BICC1: variants seen among roughly 807,000 people sequenced by gnomAD.
The protein encoded by BICC1 is protein bicaudal C homolog 1.
Under a neutral mutation model 111.0 loss-of-function variants are expected in BICC1, and 43 were observed. The ratio of observed to expected loss-of-function variants is 0.39; its 90% confidence interval spans 0.30 to 0.50. The LOEUF (loss-of-function observed/expected upper bound fraction) is 0.50, where lower values mean the gene tolerates loss of function less well. Among genes scored for constraint, BICC1 ranks in the 20% least tolerant of loss-of-function variants. The pLI, the probability that BICC1 is intolerant of heterozygous loss-of-function variation, is 0.88. For missense variants in BICC1, 1,091 were observed against 1,203.2 expected (o/e 0.91, Z 1.38); for synonymous variants, 467 against 434.4 (o/e 1.07, Z -0.93).
At chr10:58,603,383 T>C (rs1845105785) in intron 1 of BICC1, among the ~76,000 whole-genome samples, 1 of 152,182 alleles carries the variant, frequency 6.6e-6, no homozygotes, top group African/African-American at 2.4e-5. Flanking sequence ...TACCTGTGTG[T>C]AAAATTTACC....
intron 2 of BICC1, among the ~76,000 whole-genome samples, chr10:58,653,111 G>A (rs996803788): frequency 6.6e-6 from 1 of 152,114 alleles, no homozygotes; most frequent in African/African-American, 2.4e-5. Context: ...GTAAATAAGA[G>A]TGTAGTATTT....
chr10:58,718,863 A>G (rs984553851), intron 3 of BICC1, among the ~76,000 whole-genome samples: 9 of 152,240 alleles, frequency 5.9e-5, no homozygotes, highest in African/African-American at 2.2e-4. Context: ...ACTGTATTAT[A>G]CAATAGTCAT....
intron 3 of BICC1, among the ~76,000 whole-genome samples, chr10:58,763,317 T>C (rs1204671585): frequency 6.6e-6 from 1 of 152,234 alleles, no homozygotes; most frequent in Non-Finnish European, 1.5e-5. Context: ...GCTGATAGCA[T>C]GGGTTAGTCA....
chr10:58,553,733 C>A (rs1326977572), intron 1 of BICC1, among the ~76,000 whole-genome samples: 2 of 151,994 alleles, frequency 1.3e-5, no homozygotes, highest in Non-Finnish European at 2.9e-5. Context: ...ACTCCCCCTT[C>A]TTTTTTTAGC....
intron 2 of BICC1, among the ~76,000 whole-genome samples, chr10:58,691,641 T>C (rs752834670): frequency 4.6e-5 from 7 of 152,196 alleles, no homozygotes; most frequent in Admixed American, 1.3e-4. Flanking sequence ...TTCTGGCTGC[T>C]CTTTTAAAAT....
At chr10:58,785,143 C>T (rs555365290) in intron 4 of BICC1, 63 bp downstream of exon 4, 21 of 932,672 alleles carry the variant, frequency 2.3e-5, no homozygotes, top group South Asian at 4.0e-5. Context: ...TACTTCATGC[C>T]GTTATGAAAG....
chr10:58,632,934 A>G (rs541360018), intron 2 of BICC1, among the ~76,000 whole-genome samples: 10 of 152,190 alleles, frequency 6.6e-5, no homozygotes, highest in Non-Finnish European at 1.3e-4. Context: ...TGAAAGGTTT[A>G]GAGGATATGT....
rs535794558 is a variant in BICC1, at chr10:58,611,796, T to A, written c.191-9059T>A. ...TGAGCCACTGTGCCCAGCCTGTACA[T>A]TCTGTTTTATACTTTAAAAAACCAA... On this transcript the variant is annotated intron_variant, in intron 1 of 20. Transcript: ENST00000373886. Among the ~76,000 whole-genome samples the A allele has an allele frequency of 3.9e-5, 6 of 152,272 alleles. No individual in the cohort carries two copies. In the South Asian group the frequency reaches 1.0e-3, roughly 26 times the overall value.
At chr10:58,740,466 A>G (rs991402277) in intron 3 of BICC1, among the ~76,000 whole-genome samples, 1 of 152,190 alleles carries the variant, frequency 6.6e-6, no homozygotes, top group African/African-American at 2.4e-5. Context: ...TGGATAAATC[A>G]AATGATTTAT....
At chr10:58,519,194 G>A (rs1842327786) in intron 1 of BICC1, among the ~76,000 whole-genome samples, 1 of 152,126 alleles carries the variant, frequency 6.6e-6, no homozygotes, top group Admixed American at 6.5e-5. Context: ...TTGCACTGTG[G>A]CTGTGGCTGT....
intron 1 of BICC1, among the ~76,000 whole-genome samples, chr10:58,606,186 C>T (rs1248046255): frequency 6.6e-6 from 1 of 152,120 alleles, no homozygotes; most frequent in Non-Finnish European, 1.5e-5. Context: ...TCTCCTCACT[C>T]TTTTCTATAT....
chr10:58,761,995 G>C (rs546524963), intron 3 of BICC1, among the ~76,000 whole-genome samples: 63 of 152,288 alleles, frequency 4.1e-4, no homozygotes, highest in African/African-American at 1.5e-3. Flanking sequence ...TTGTAGGTAT[G>C]AGTCCAGGAT....
chr10:58,597,729 A>G (rs1844865810), intron 1 of BICC1, among the ~76,000 whole-genome samples: 2 of 152,072 alleles, frequency 1.3e-5, no homozygotes, highest in Admixed American at 1.3e-4. Context: ...TAATATTAAT[A>G]TTCCTTGCTA....
At chr10:58,700,419 C>G (rs573911451) in intron 2 of BICC1, among the ~76,000 whole-genome samples, 80 of 151,970 alleles carry the variant, frequency 5.3e-4, no homozygotes, top group Non-Finnish European at 6.8e-4. Flanking sequence ...TTCTTTTTTA[C>G]TAGTGGTTTA....
intron 5 of BICC1, 77 bp downstream of exon 5, chr10:58,787,158 T>C: frequency 7.3e-7 from 1 of 1,361,782 alleles, no homozygotes; most frequent in Non-Finnish European, 9.9e-7. Flanking sequence ...CTATCTTTTT[T>C]TTCTGAGAGG....
chr10:58,817,945 T>A (rs773968855), intron 19 of BICC1, among the ~76,000 whole-genome samples: 1 of 152,082 alleles, frequency 6.6e-6, no homozygotes, highest in Admixed American at 6.6e-5. Context: ...TGCAGAAAAA[T>A]GTACAATAGC....
chr10:58,592,474 A>G (rs1335068028), intron 1 of BICC1, among the ~76,000 whole-genome samples: 2 of 152,126 alleles, frequency 1.3e-5, no homozygotes, highest in African/African-American at 4.8e-5. Flanking sequence ...GCACTTTGGG[A>G]GGCCGAGGCA....
At chr10:58,586,256 G>C (rs767989796) in intron 1 of BICC1, among the ~76,000 whole-genome samples, 26 of 152,034 alleles carry the variant, frequency 1.7e-4, no homozygotes, top group Non-Finnish European at 3.1e-4. Flanking sequence ...CTACATTTCA[G>C]ATATTGTCAA....
intron 3 of BICC1, among the ~76,000 whole-genome samples, chr10:58,740,997 GTGAAA>G (rs1246383869): frequency 2.0e-5 from 3 of 152,222 alleles, no homozygotes; most frequent in African/African-American, 7.2e-5. Context: ...CCCTGGAACC[GTGAAA>G]GAGTGGTTTC....
Sources: allele counts gnomAD v4.1 joint callset (sites outside exome capture counted in the v4.1 genomes callset), GRCh38; gene constraint gnomAD v4.1.1; transcripts MANE v1.5; gene names NCBI Gene and HGNC (gene_info 2026-07-23, HGNC 2026-07-21).